ZDHHC4: variants seen among roughly 807,000 people sequenced by gnomAD.
The protein encoded by ZDHHC4 is palmitoyltransferase ZDHHC4.
ZDHHC4 carries 42 observed loss-of-function variants against 36.7 expected under a neutral mutation model. The ratio of observed to expected loss-of-function variants is 1.14; its 90% CI spans 0.89 to 1.48. The LOEUF is 1.48. Among genes scored for constraint, ZDHHC4 ranks in the 40% most tolerant of loss-of-function variants. The pLI is 0.00. For synonymous variants in ZDHHC4, 189 were observed against 166.6 expected (o/e 1.13, Z -1.03); for missense variants, 457 against 421.5 (o/e 1.08, Z -0.74).
chr7:6,580,063 A>C (rs1780729433), intron 2 of ZDHHC4, among the ~76,000 whole-genome samples: 1 of 152,096 alleles, frequency 6.6e-6, no homozygotes, highest in Non-Finnish European at 1.5e-5. Flanking sequence ...TGAACCTGGG[A>C]GGCGGAGGTT....
chr7:6,587,661 A>G lies in ZDHHC4; in HGVS notation c.742-956A>G, dbSNP rs553053614. 3.3e-5 allele frequency among the ~76,000 whole-genome samples: 5 copies of G among 152,212 alleles called. No individual in the cohort carries two copies. In the South Asian group the frequency reaches 1.0e-3, roughly 32 times the overall value. ...TACATAGAAATTGACATCATTTTTCATGGCTCCTCGTTTTCCCATTGTGTG... is the reference window on the plus strand; with the variant it reads ...TACATAGAAATTGACATCATTTTTCGTGGCTCCTCGTTTTCCCATTGTGTG... On this transcript the variant is annotated intron_variant, in intron 7 of 7. Coordinates refer to ENST00000335965, the MANE Select transcript of ZDHHC4 (RefSeq NM_001134389.2).
At chr7:6,577,927 G>C (rs904703216) in intron 1 of ZDHHC4, among the ~76,000 whole-genome samples, 26 of 152,164 alleles carry the variant, frequency 1.7e-4, no homozygotes, top group African/African-American at 6.0e-4. Flanking sequence ...CCGCCTCCCG[G>C]ATTCAAGCAA....
In ZDHHC4 at chr7:6,588,973, C is replaced by T. The variant is rs1046791323; in HGVS notation, c.*63C>T. On this transcript the variant is annotated 3_prime_UTR_variant, in exon 8 of 8. Coordinates refer to ENST00000335965, the MANE Select transcript of ZDHHC4 (RefSeq NM_001134389.2). ...ATTTACACATGTGGATCCTCGTTTT[C>T]CAAGCATGGCTTGTTTGTTTTGATT... is the stretch of plus-strand genomic sequence containing the variant. 2.6e-6 allele frequency: 4 copies of T among 1,543,742 alleles called. No homozygotes were observed. In the African/African-American group the frequency reaches 5.5e-5, roughly 21 times the overall value.
rs1247245482 is a variant in ZDHHC4, at chr7:6,580,667, G to A, written c.106G>A (p.Gly36Arg). ...CCATAGCTTGAAAGGCCTGGCCAGG[G>A]GAGGAGCACAGGTAAGGATGATCCT... ...KTHSLKGLAR[G>R]GAQIFSCIIP... The change falls in exon 3 of 8, where the codon GGA becomes AGA. Residue 36 changes from glycine to arginine, a missense_variant. Transcript: ENST00000335965. The A allele has an allele frequency of 1.2e-6, 2 of 1,614,094 alleles. No homozygotes were observed. Among genetic ancestry groups the A allele is most frequent in the Non-Finnish European group, 1.7e-6 (2 of 1,179,964 alleles).
chr7:6,582,286 A>G, intron 5 of ZDHHC4, 35 bp downstream of exon 5: 1 of 1,595,302 alleles, frequency 6.3e-7, no homozygotes, highest in Non-Finnish European at 8.6e-7. Flanking sequence ...GCATGGTGAC[A>G]GCTCCACTGT....
chr7:6,579,123 C>A (rs1583375166), intron 2 of ZDHHC4, among the ~76,000 whole-genome samples: 1 of 149,730 alleles, frequency 6.7e-6, no homozygotes, highest in Non-Finnish European at 1.5e-5. Flanking sequence ...TACGGCCGGC[C>A]AATTCCAGTA....
At chr7:6,585,731 G>GAACCCA (rs1781196424) in intron 7 of ZDHHC4, among the ~76,000 whole-genome samples, 2 of 121,142 alleles carry the variant, frequency 1.7e-5, no homozygotes, top group Non-Finnish European at 4.0e-5. Context: ...GCTTGAACCC[G>GAACCCA]GGAGGGAGAG....
At chr7:6,582,595 G>T (rs553190594) in intron 5 of ZDHHC4, among the ~76,000 whole-genome samples, 1 of 152,266 alleles carries the variant, frequency 6.6e-6, no homozygotes, top group Admixed American at 6.5e-5. Flanking sequence ...TCAGCTCGCT[G>T]CAACCTCCGC....
intron 3 of ZDHHC4, among the ~76,000 whole-genome samples, chr7:6,581,358 A>G (rs1780841909): frequency 6.6e-6 from 1 of 151,890 alleles, no homozygotes. Context: ...CCCTCTGCTC[A>G]CCTCTCTTTC....
In ZDHHC4 at chr7:6,578,723, A is replaced by G. The variant is rs1780616992; in HGVS notation, c.-8+3A>G. The G allele has an allele frequency of 6.6e-6, 1 of 152,218 alleles. No homozygotes were observed. Among genetic ancestry groups the G allele is most frequent in the Non-Finnish European group, 1.5e-5 (1 of 68,042 alleles). 9.4% of individuals were successfully genotyped at this position (152,218 alleles called of 1,614,324 possible). ...AAAATTACCCAACCAAGAGAAATGTAGGCTGGGTACCCTGAATCACCCCGT... is the reference window on the plus strand; with the variant it reads ...AAAATTACCCAACCAAGAGAAATGTGGGCTGGGTACCCTGAATCACCCCGT... On this transcript the variant is annotated splice_donor_region_variant and intron_variant, in intron 2 of 7. Coordinates refer to ENST00000335965, the MANE Select transcript of ZDHHC4 (RefSeq NM_001134389.2).
At chr7:6,584,940 G>T in intron 6 of ZDHHC4, 76 bp from the exon 7 acceptor site, 1 of 1,575,506 alleles carries the variant, frequency 6.3e-7, no homozygotes, top group Non-Finnish European at 8.6e-7. Flanking sequence ...GACAGATTAT[G>T]AAAATCTCAG....
chr7:6,581,238 T>G, intron 3 of ZDHHC4: 1 of 290,602 alleles, frequency 3.4e-6, no homozygotes, highest in Non-Finnish European at 6.5e-6. Context: ...GGCATTGAGT[T>G]GGGAGGGACC....
In ZDHHC4 at chr7:6,583,327, A is replaced by G; in HGVS notation, c.392A>G (p.Glu131Gly). The G allele has an allele frequency of 6.2e-7, 1 of 1,613,942 alleles. No homozygotes were observed. Among genetic ancestry groups the G allele is most frequent in the Non-Finnish European group, 8.5e-7 (1 of 1,179,932 alleles). ...CCAGGCATTATAACAAAAGCAAATG[A>G]ATTATTATTTCTTCATGTTTATGAA... ...TNPGIITKAN[E>G]LLFLHVYEFD... The change falls in exon 6 of 8, where the codon GAA becomes GGA. Residue 131 changes from glutamate (E) to glycine (G), a missense_variant. Transcript: ENST00000335965.
Position 6,585,205 on chromosome 7 carries a change from C to T in ZDHHC4, c.686C>T (p.Thr229Ile). The T allele has an allele frequency of 6.2e-7, 1 of 1,614,196 alleles. No homozygotes were observed. Among genetic ancestry groups the T allele is most frequent in the Non-Finnish European group, 8.5e-7 (1 of 1,180,030 alleles). Residue 229 changes from threonine to isoleucine, a missense_variant, in exon 7 of 8, where the codon ACT becomes ATT. Coordinates refer to ENST00000335965, the MANE Select transcript of ZDHHC4 (RefSeq NM_001134389.2). ...LVVMSDLYQE[T>I]YIDDLGHLHV... ...GTGATGTCAGATTTATACCAGGAGA[C>T]TTACATCGATGACCTTGGACACCTC... is the stretch of plus-strand genomic sequence containing the variant.
intron 6 of ZDHHC4, among the ~76,000 whole-genome samples, chr7:6,584,551 T>C (rs1781090347): frequency 6.6e-6 from 1 of 152,218 alleles, no homozygotes; most frequent in Admixed American, 6.5e-5. Flanking sequence ...TTGTGTTGCC[T>C]CCATATTCAC....
chr7:6,585,565 GAAGCTAAGAC>G (rs953600108), intron 7 of ZDHHC4, among the ~76,000 whole-genome samples: 3 of 152,166 alleles, frequency 2.0e-5, no homozygotes, highest in Non-Finnish European at 4.4e-5. Context: ...AGCACTTTGA[GAAGCTAAGAC>G]AAGCAGATTG....
chr7:6,580,448 A>T, intron 2 of ZDHHC4, 107 bp from the exon 3 acceptor site: 1 of 881,984 alleles, frequency 1.1e-6, no homozygotes, highest in South Asian at 1.4e-5. Context: ...ATTAAAGTCT[A>T]GATGAATTCT....
At chr7:6,585,402 T>A in intron 7 of ZDHHC4, 142 bp downstream of exon 7, 1 of 1,201,134 alleles carries the variant, frequency 8.3e-7, no homozygotes, top group South Asian at 1.6e-5. Flanking sequence ...GGTGGGAGGA[T>A]CGCATGAGGC....
intron 4 of ZDHHC4, 54 bp from the exon 5 acceptor site, chr7:6,582,019 A>T: frequency 6.4e-7 from 1 of 1,563,584 alleles, no homozygotes; most frequent in South Asian, 1.2e-5. Context: ...TTAGTATCAT[A>T]CAATTTCTTC....
Sources: gnomAD v4.1 joint callset for allele counts (sites outside exome capture counted in the v4.1 genomes callset) on GRCh38, gnomAD v4.1.1 for gene constraint, MANE v1.5 for transcripts, NCBI Gene and HGNC (gene_info 2026-07-23, HGNC 2026-07-21) for gene names.